Variants in CPT1B observed in about 807,000 individuals in gnomAD.
CPT1B encodes the protein carnitine O-palmitoyltransferase 1, muscle isoform.
Under a neutral mutation model 92.7 loss-of-function variants are expected in CPT1B, and 57 were observed. The observed-to-expected ratio is 0.62, with a 90% CI of 0.50 to 0.77. CPT1B has a LOEUF of 0.77. CPT1B is among the 30% of genes least tolerant of loss of function. The pLI is 0.00. For missense variants in CPT1B, 983 were observed against 1,017.4 expected, an observed-to-expected ratio of 0.97 and a Z score of 0.46; for synonymous variants, 398 against 383.5, an observed-to-expected ratio of 1.04 and a Z score of -0.44.
Position 50,571,989 on chromosome 22 carries a change from G to C in CPT1B, c.1575+17C>G. The C allele has an allele frequency of 2.5e-6, 4 of 1,609,172 alleles. No homozygotes were observed. Among genetic ancestry groups the C allele is most frequent in the Non-Finnish European group, 3.4e-6 (4 of 1,176,336 alleles). ...TGCTTTGTGGTCTCACACCTGCTCT[G>C]GGAGCTTCCAACCCACCTGTTTTGG... On this transcript the variant is annotated intron_variant, in intron 13 of 19. Transcript: ENST00000312108.
Position 50,573,929 on chromosome 22 carries a change from G to A in CPT1B, c.971-214C>T, listed in dbSNP as rs78431289. 4.2e-6 allele frequency: 3 copies of A among 711,226 alleles called. No individual in the cohort carries two copies. Among genetic ancestry groups the A allele is most frequent in the African/African-American group, 3.5e-5 (2 of 57,156 alleles). The allele number at this position is 711,226 out of a possible 1,614,324, so 44.1% of individuals were successfully genotyped here. A position where few individuals can be genotyped will look rare whatever the true frequency, so the allele number is the denominator to read the frequency against. The stretch of plus-strand genomic sequence containing the variant: ...CACGCAACACCAACAATCCTATAAA[G>A]TATTTCACAGAAGAGGAAACGACGC... On this transcript the variant is annotated intron_variant, in intron 9 of 19. Coordinates refer to ENST00000312108, the MANE Select transcript of CPT1B (RefSeq NM_152246.3). This position sits in a 1 kb window ranked among gnomAD's most constrained non-coding sequence, Gnocchi z 5.0.
intron 16 of CPT1B, 139 bp from the exon 17 acceptor site, chr22:50,570,545 T>G: frequency 1.5e-6 from 1 of 679,176 alleles, no homozygotes; most frequent in Non-Finnish European, 2.5e-6. Flanking sequence ...CGTGGTCCCC[T>G]GTGCATCATG....
At chr22:50,577,674 G>A (rs1011226791) in intron 2 of CPT1B, 101 bp downstream of exon 2, 16 of 1,521,460 alleles carry the variant, frequency 1.1e-5, no homozygotes, top group Non-Finnish European at 1.3e-5. Context: ...CCTGTACCGG[G>A]CAGAAGTGCC....
In CPT1B at chr22:50,568,862, G is replaced by A. The variant is rs2070017138; in HGVS notation, c.*222C>T. 6.5e-6 allele frequency: 1 copy of A among 154,764 alleles called. No individual in the cohort carries two copies. The highest frequency in any genetic ancestry group is 2.0e-4 in the South Asian group (1 of 5,022). The allele number at this position is 154,764 out of a possible 1,614,324, so 9.6% of individuals were successfully genotyped here. On this transcript the variant is annotated 3_prime_UTR_variant, in exon 20 of 20. Transcript: ENST00000312108. ...ACAGAAATGGCCCCAGGGAACAGGT[G>A]AAGGTTCTGAGGCAAGTATTTATTC...
chr22:50,575,277 G>A (rs936445170), intron 7 of CPT1B, among the ~76,000 whole-genome samples: 4 of 152,182 alleles, frequency 2.6e-5, no homozygotes, highest in African/African-American at 9.7e-5. Flanking sequence ...CCAAAGTGCT[G>A]GGATTACAGG....
Position 50,573,772 on chromosome 22 carries a change from G to A in CPT1B, c.971-57C>T. 1 of 1,499,424 alleles carries A rather than the reference G, an allele frequency of 6.7e-7. No homozygotes were observed. Among genetic ancestry groups the A allele is most frequent in the African/African-American group, 1.4e-5 (1 of 72,388 alleles). The allele number at this position is 1,499,424 out of a possible 1,614,324, so 92.9% of individuals were successfully genotyped here. On this transcript the variant is annotated intron_variant, in intron 9 of 19. Coordinates refer to ENST00000312108, the MANE Select transcript of CPT1B (RefSeq NM_152246.3). The surrounding 1 kb of genome is among the most constrained non-coding windows in gnomAD (Gnocchi z 5.0). ...GGGCCCCCAGCTACATCCTGGGAAG[G>A]GCCCACCTCCCATGCACTAGGTGAC...
chr22:50,576,466 C>T, intron 5 of CPT1B, 70 bp downstream of exon 5: 1 of 1,600,902 alleles, frequency 6.2e-7, no homozygotes, highest in Non-Finnish European at 8.5e-7. Flanking sequence ...TTGCACAGAA[C>T]CTTATATTTG....
intron 16 of CPT1B, among the ~76,000 whole-genome samples, 160 bp downstream of exon 16, chr22:50,570,731 A>G (rs1431652992): frequency 1.4e-4 from 22 of 152,336 alleles, no homozygotes; most frequent in Non-Finnish European, 1.5e-5. Flanking sequence ...TCCCAGGACC[A>G]CAGGCCCAGG....
At position 50,573,384 on chromosome 22, in the gene CPT1B, G is replaced by T; in HGVS notation, c.1166+136C>A. ...AGAGGTAGGTTATGCTGGCTGTCCT[G>T]CTGCCATGACCACCAATGCCCCTCC... On this transcript the variant is annotated intron_variant, in intron 10 of 19. Transcript: ENST00000312108. This position sits in a 1 kb window ranked among gnomAD's most constrained non-coding sequence, Gnocchi z 5.0. 2 of 789,882 alleles carry T rather than the reference G, an allele frequency of 2.5e-6. No homozygotes were observed. Among genetic ancestry groups the T allele is most frequent in the Non-Finnish European group, 4.0e-6 (2 of 502,518 alleles). 48.9% of individuals were successfully genotyped at this position (789,882 alleles called of 1,614,324 possible). A position where few individuals can be genotyped will look rare whatever the true frequency, so the allele number is the denominator to read the frequency against.
chr22:50,572,218 A>G lies in CPT1B; in HGVS notation c.1443T>C (p.Ile481=). 6.2e-7 allele frequency: 1 copy of G among 1,613,646 alleles called. No individual in the cohort carries two copies. The change falls in exon 12 of 20, where the codon ATT becomes ATC. Residue 481 remains isoleucine (I), a synonymous_variant. Coordinates refer to ENST00000312108, the MANE Select transcript of CPT1B (RefSeq NM_152246.3). ...AEHAWADAPI[I]GHLWEFVLGT... ...AGGCTATTACCTCCCAGAGGTGCCC[A>G]ATGATGGGAGCATCTGCCCACGCAT...
At chr22:50,571,333 G>C (rs755339164) in intron 14 of CPT1B, 41 bp from the exon 15 acceptor site, 4 of 1,613,638 alleles carry the variant, frequency 2.5e-6, no homozygotes, top group Non-Finnish European at 3.4e-6. Flanking sequence ...GTGGACCCTG[G>C]TACCACCCTG....
In CPT1B at chr22:50,570,321, T is replaced by A. The variant is rs2070102388; in HGVS notation, c.2114A>T (p.His705Leu). Residue 705 changes from histidine to leucine, a missense_variant, in exon 17 of 20, where the codon CAC becomes CTC. Physicochemically the swap from His to Leu is moderately conservative, Grantham distance 99. Coordinates refer to ENST00000312108, the MANE Select transcript of CPT1B (RefSeq NM_152246.3). ...RMFDPEQHPN[H>L]LGAGGGFGPV... ...GCCAAAGCCACCTCCAGCGCCCAGG[T>A]GATTGGGGTGCTGCTCTGGGTCGAA... 1.3e-6 allele frequency: 2 copies of A among 1,596,706 alleles called. No homozygotes were observed. The highest frequency in any genetic ancestry group is 2.7e-5 in the African/African-American group (2 of 74,580).
chr22:50,572,066 C>T lies in CPT1B; in HGVS notation c.1515G>A (p.Leu505=), dbSNP rs755449051. The T allele has an allele frequency of 3.7e-5, 60 of 1,614,046 alleles. No individual in the cohort carries two copies. Among genetic ancestry groups the T allele is most frequent in the Admixed American group, 5.0e-5 (3 of 60,008 alleles). Residue 505 remains leucine, a synonymous_variant, in exon 13 of 20, where the codon CTG becomes CTA. Coordinates refer to ENST00000312108, the MANE Select transcript of CPT1B (RefSeq NM_152246.3). ...GTGCGAGCGCAGGGTTCGGTTTGCC[C>T]AGGCAGTGCCCGGTCTCCGTGTAGC... ...HLGYTETGHC[L]GKPNPALAPP...
At position 50,571,361 on chromosome 22, in the gene CPT1B, G is replaced by A; in HGVS notation, c.1740+14C>T. The A allele has an allele frequency of 6.2e-6, 10 of 1,613,832 alleles. No homozygotes were observed. Among genetic ancestry groups the A allele is most frequent in the Non-Finnish European group, 8.5e-6 (10 of 1,179,984 alleles). ...CCACCCTGCCCTCTCAGCAGCGGGA[G>A]GCGGGGCTCCTACCCGGAAGTGAGC... On this transcript the variant is annotated intron_variant, in intron 14 of 19. Coordinates refer to ENST00000312108, the MANE Select transcript of CPT1B (RefSeq NM_152246.3).
chr22:50,576,031 A>G lies in CPT1B; in HGVS notation c.777+4T>C, dbSNP rs2070413457. On this transcript the variant is annotated splice_donor_region_variant and intron_variant, in intron 7 of 19. Coordinates refer to ENST00000312108, the MANE Select transcript of CPT1B (RefSeq NM_152246.3). ...TGCGGGGACCTGGGGGCTCTAGTTC[A>G]TACCATGACATAATAGTTGCTGTTC... is the stretch of plus-strand genomic sequence containing the variant. 6.2e-7 allele frequency: 1 copy of G among 1,613,972 alleles called. No individual in the cohort carries two copies. Among genetic ancestry groups the G allele is most frequent in the South Asian group, 1.1e-5 (1 of 91,082 alleles).
intron 15 of CPT1B, 35 bp downstream of exon 15, chr22:50,571,123 C>T (rs757823432): frequency 3.0e-5 from 48 of 1,612,508 alleles, no homozygotes; most frequent in African/African-American, 2.7e-5. Flanking sequence ...CCTCACCCGA[C>T]GACTGTGACC....
Position 50,577,423 on chromosome 22 carries a change from C to G in CPT1B, c.182G>C (p.Ser61Thr). The change falls in exon 3 of 20, where the codon AGC (serine) becomes ACC (threonine). Residue 61 changes from serine to threonine, a missense_variant. Transcript: ENST00000312108. ...LRGVYPGSPTSWLVVIMATVG... is the reference protein window; with the variant it reads ...LRGVYPGSPTTWLVVIMATVG... The stretch of plus-strand genomic sequence containing the variant: ...TGTTGCCATGATGACGACCAGCCAG[C>G]TGGTGGGGCTGCCAGGGTACACGCC... 2 of 1,613,864 alleles carry G rather than the reference C, an allele frequency of 1.2e-6. No individual in the cohort carries two copies. Among genetic ancestry groups the G allele is most frequent in the Non-Finnish European group, 1.7e-6 (2 of 1,179,982 alleles).
Position 50,569,374 on chromosome 22 carries a change from A to G in CPT1B, c.2283T>C (p.Ile761=), listed in dbSNP as rs1266982032. ...GNHIRKALLD[I]ADLFQVPKAY... is the part of the protein sequence containing the mutation. Reference sequence around the variant, plus strand: ...CCTTGGGAACTTGGAAAAGATCAGCAATGTCCAGCAGGGCTTTGCGGATGT... The same window carrying G: ...CCTTGGGAACTTGGAAAAGATCAGCGATGTCCAGCAGGGCTTTGCGGATGT... The change falls in exon 19 of 20, where the codon ATT becomes ATC. Residue 761 remains isoleucine, a synonymous_variant. Transcript: ENST00000312108. The G allele has an allele frequency of 6.2e-7, 1 of 1,614,136 alleles. No individual in the cohort carries two copies. Among genetic ancestry groups the G allele is most frequent in the Non-Finnish European group, 8.5e-7 (1 of 1,180,012 alleles).
In CPT1B at chr22:50,570,914, C is replaced by A; in HGVS notation, c.2005G>T (p.Val669Phe). ...CLYLVSKYLG[V>F]SSPFLAEVLS... ...ACCTCAGCAAGGAAAGGAGAGCTGA[C>A]TCCTAGGTACTTGGAGACCAAGTAA... The change falls in exon 16 of 20, where the codon GTC becomes TTC. Residue 669 changes from valine to phenylalanine, a missense_variant. Coordinates refer to ENST00000312108, the MANE Select transcript of CPT1B (RefSeq NM_152246.3). 1 of 1,613,748 alleles carries A rather than the reference C, an allele frequency of 6.2e-7. No individual in the cohort carries two copies. The highest frequency in any genetic ancestry group is 8.5e-7 in the Non-Finnish European group (1 of 1,180,002).
Sources: allele counts gnomAD v4.1 joint callset (sites outside exome capture counted in the v4.1 genomes callset), GRCh38; gene constraint gnomAD v4.1.1; non-coding constraint Gnocchi (gnomAD v3.1); transcripts MANE v1.5; gene names NCBI Gene and HGNC (gene_info 2026-07-23, HGNC 2026-07-21).